The following EIF3H variants were observed in gnomAD, a reference collection of about 807,000 sequenced individuals.
EIF3H encodes the protein eukaryotic translation initiation factor 3 subunit H, also known as eIF-3-gamma.
In EIF3H, 26 loss-of-function variants were observed where a neutral mutation model predicts 44.2. The observed-to-expected ratio is 0.59, with a 90% CI of 0.43 to 0.82. EIF3H has a LOEUF of 0.82. Among genes scored for constraint, EIF3H ranks in the 40% least tolerant of loss-of-function variants. The probability of loss-of-function intolerance (pLI) is 0.00; values close to 1 mark genes in which losing one functional copy is unlikely to be tolerated. For missense variants in EIF3H, 359 were observed against 432.8 expected, an observed-to-expected ratio of 0.83 and a Z score of 1.51; for synonymous variants, 166 against 151.9, an observed-to-expected ratio of 1.09 and a Z score of -0.68.
intron 5 of EIF3H, among the ~76,000 whole-genome samples, chr8:116,649,680 T>A (rs1306838150): frequency 6.6e-6 from 1 of 152,122 alleles, no homozygotes; most frequent in Non-Finnish European, 1.5e-5. Context: ...CAAACAGGTA[T>A]TTACTAAACT....
intron 2 of EIF3H, chr8:116,697,064 G>A (rs1189417210): frequency 2.2e-6 from 1 of 456,130 alleles, no homozygotes; most frequent in Admixed American, 2.3e-5. Context: ...TCTCCAGCTG[G>A]GATCTCTCTC....
Position 116,642,656 on chromosome 8 carries a change from G to A in EIF3H, c.*2350C>T, listed in dbSNP as rs1008374756. ...GGTAAGTGAATGATTTATTAGACCT[G>A]GTGCTCAATTTACGAGCTTTTCTCA... On this transcript the variant is annotated 3_prime_UTR_variant, in exon 8 of 8. Coordinates refer to ENST00000521861, the MANE Select transcript of EIF3H (RefSeq NM_003756.3). The A allele has an allele frequency of 6.6e-6, 1 of 152,024 alleles. No individual in the cohort carries two copies. The highest frequency in any genetic ancestry group is 2.4e-5 in the African/African-American group (1 of 41,394). 9.4% of individuals were successfully genotyped at this position (152,024 alleles called of 1,614,324 possible).
At chr8:116,754,327 G>A in intron 1 of EIF3H, among the ~76,000 whole-genome samples, 1 of 152,074 alleles carries the variant, frequency 6.6e-6, no homozygotes, top group Non-Finnish European at 1.5e-5. Flanking sequence ...TGGTCAGGCT[G>A]GTCTCGAACT....
At chr8:116,679,117 A>G (rs1344986332) in intron 2 of EIF3H, among the ~76,000 whole-genome samples, 25 of 11,316 alleles carry the variant, frequency 2.2e-3, no homozygotes, top group Non-Finnish European at 2.8e-3. Flanking sequence ...GGGAGGGGGG[A>G]GGGGGGGTCA....
intron 2 of EIF3H, among the ~76,000 whole-genome samples, chr8:116,663,542 A>C (rs1471725621): frequency 6.6e-6 from 1 of 152,224 alleles, no homozygotes; most frequent in Non-Finnish European, 1.5e-5. Context: ...GTTTAAGAGA[A>C]GGACTTAGTA....
At chr8:116,752,791 G>GGAAGGAA (rs1563663281) in intron 1 of EIF3H, among the ~76,000 whole-genome samples, 22,598 of 71,390 alleles carry the variant, frequency 0.32, 5,402 homozygotes, top group Non-Finnish European at 0.39. Flanking sequence ...GAGGGAGGGA[G>GGAAGGAA]GGAGGGAAGG....
chr8:116,732,487 G>A (rs1278634915), intron 1 of EIF3H, among the ~76,000 whole-genome samples: 2 of 152,130 alleles, frequency 1.3e-5, no homozygotes, highest in Non-Finnish European at 2.9e-5. Context: ...TCAGTTCCAT[G>A]ACAGGGAACA....
intron 2 of EIF3H, among the ~76,000 whole-genome samples, chr8:116,659,943 A>G (rs1424614355): frequency 1.3e-5 from 2 of 152,134 alleles, no homozygotes; most frequent in African/African-American, 4.8e-5. Flanking sequence ...CTGGAGTACA[A>G]TGGCCTGATC....
chr8:116,645,829 C>G (rs1813286776), intron 7 of EIF3H, among the ~76,000 whole-genome samples: 1 of 152,188 alleles, frequency 6.6e-6, no homozygotes, highest in South Asian at 2.1e-4. Flanking sequence ...AATTGCCAAT[C>G]AGCTTTTGAG....
chr8:116,666,122 T>C (rs948096154), intron 2 of EIF3H, among the ~76,000 whole-genome samples: 6 of 152,332 alleles, frequency 3.9e-5, no homozygotes, highest in East Asian at 3.9e-4. Flanking sequence ...ATCTGTTGTA[T>C]TGTAAAAGAA....
rs369039045 is a variant in EIF3H at position 116,645,048 on chromosome 8, G to C, written c.1017C>G (p.Gly339=). The stretch of plus-strand genomic sequence containing the variant: ...GAAGAGCCTGGGCCATGAAGAGCTT[G>C]CCTAAGTTTTGGGCAGTGAACTCCT... ...NIKEFTAQNL[G]KLFMAQALQE... is the part of the protein sequence containing the mutation. Residue 339 remains glycine (G), a synonymous_variant, in exon 8 of 8, where the codon GGC becomes GGG. Transcript: ENST00000521861. The C allele has an allele frequency of 1.2e-6, 2 of 1,614,112 alleles. No individual in the cohort carries two copies. Among genetic ancestry groups the C allele is most frequent in the African/African-American group, 2.7e-5 (2 of 75,024 alleles).
At chr8:116,672,808 A>T (rs1287006772) in intron 2 of EIF3H, among the ~76,000 whole-genome samples, 1 of 152,044 alleles carries the variant, frequency 6.6e-6, no homozygotes, top group African/African-American at 2.4e-5. Flanking sequence ...GAAAAGGAGG[A>T]GGAGGCAGCT....
chr8:116,697,377 G>A (rs1814287125), intron 2 of EIF3H: 2 of 364,208 alleles, frequency 5.5e-6, no homozygotes, highest in Non-Finnish European at 1.1e-5. Context: ...CCCAATTGCT[G>A]GTCAGTGTCA....
In EIF3H at chr8:116,675,132, A is replaced by T. The variant is rs566493954; in HGVS notation, c.290-16152T>A. ...AAATCTCTTTGTATTTTTAAATCAC[A>T]TATGTCCTGATGGCACTGTGCTACC... On this transcript the variant is annotated intron_variant, in intron 2 of 7. Transcript: ENST00000521861. Among the ~76,000 whole-genome samples the T allele has an allele frequency of 2.6e-5, 4 of 151,968 alleles. No individual in the cohort carries two copies. The East Asian group carries it at 7.9e-4, about 30-fold the overall frequency.
intron 1 of EIF3H, among the ~76,000 whole-genome samples, chr8:116,741,012 TAAC>T (rs1563659015): frequency 2.0e-5 from 3 of 152,244 alleles, no homozygotes; most frequent in African/African-American, 7.2e-5. Context: ...GCTACTATTA[TAAC>T]AACTATCACA....
rs750507534 is a variant in EIF3H, at chr8:116,755,647, GA to G, written c.132+18del. ...ACTGCGCTCCCCACGTGGGCCAGAGGAAAAAGAACAGCACTCACAAGGCCAT... is the reference window on the plus strand; with the variant it reads ...ACTGCGCTCCCCACGTGGGCCAGAGGAAAAGAACAGCACTCACAAGGCCAT... On this transcript the variant is annotated intron_variant, in intron 1 of 7. Coordinates refer to ENST00000521861, the MANE Select transcript of EIF3H (RefSeq NM_003756.3). 1 of 1,613,634 alleles carries G rather than the reference GA, an allele frequency of 6.2e-7. No homozygotes were observed. Among genetic ancestry groups the G allele is most frequent in the Non-Finnish European group, 8.5e-7 (1 of 1,179,866 alleles).
intron 1 of EIF3H, among the ~76,000 whole-genome samples, chr8:116,761,607 A>G (rs1212851412): frequency 6.6e-6 from 1 of 152,220 alleles, no homozygotes; most frequent in Non-Finnish European, 1.5e-5. Context: ...TCTAAGTATG[A>G]TTTCATCCAA....
chr8:116,684,733 A>G (rs927604238), intron 2 of EIF3H, among the ~76,000 whole-genome samples: 1 of 152,222 alleles, frequency 6.6e-6, no homozygotes, highest in African/African-American at 2.4e-5. Flanking sequence ...AACTGTACAC[A>G]TACACTACAG....
intron 1 of EIF3H, among the ~76,000 whole-genome samples, chr8:116,745,615 A>C (rs1815219162): frequency 6.6e-6 from 1 of 152,186 alleles, no homozygotes; most frequent in Non-Finnish European, 1.5e-5. Context: ...AGGTTTATCC[A>C]AATCTTGGGA....
Sources: gnomAD v4.1 joint callset for allele counts (sites outside exome capture counted in the v4.1 genomes callset) on GRCh38, gnomAD v4.1.1 for gene constraint, MANE v1.5 for transcripts, NCBI Gene and HGNC (gene_info 2026-07-23, HGNC 2026-07-21) for gene names.